SPMIP2: variants seen among roughly 807,000 people sequenced by gnomAD.
SPMIP2 encodes sperm microtubule inner protein 2.
the SPMIP2 span, among the ~76,000 whole-genome samples, chr4:158,963,191 A>G: frequency 6.6e-6 from 1 of 152,054 alleles, no homozygotes; most frequent in African/African-American, 2.4e-5. Context: ...TTAATACTAG[A>G]TCCCATTTGT....
At chr4:159,081,597 G>A in the SPMIP2 span, among the ~76,000 whole-genome samples, 1 of 151,874 alleles carries the variant, frequency 6.6e-6, no homozygotes, top group Non-Finnish European at 1.5e-5. Flanking sequence ...AGGCTGAGAT[G>A]AGATCACATG....
chr4:159,005,901 T>A, the SPMIP2 span, among the ~76,000 whole-genome samples: 1 of 152,024 alleles, frequency 6.6e-6, no homozygotes, highest in Non-Finnish European at 1.5e-5. Context: ...AGTAGCTGGG[T>A]CTATGGGTGT....
chr4:159,041,825 A>T, the SPMIP2 span, among the ~76,000 whole-genome samples: 1 of 152,218 alleles, frequency 6.6e-6, no homozygotes, highest in African/African-American at 2.4e-5. Flanking sequence ...CACTTTCCCC[A>T]AACTTTTCTT....
At chr4:158,917,419 G>A in the SPMIP2 span, among the ~76,000 whole-genome samples, 3 of 147,042 alleles carry the variant, frequency 2.0e-5, no homozygotes, top group African/African-American at 2.5e-5. Flanking sequence ...AGAGCAGGGG[G>A]AAAAAAAAAA....
chr4:159,005,839 A>C, the SPMIP2 span, among the ~76,000 whole-genome samples: 1 of 152,150 alleles, frequency 6.6e-6, no homozygotes, highest in South Asian at 2.1e-4. Flanking sequence ...ATCTCGGCTC[A>C]CTGTAACCTC....
chr4:158,962,397 C>CTA, the SPMIP2 span, among the ~76,000 whole-genome samples: 2 of 152,158 alleles, frequency 1.3e-5, no homozygotes, highest in Non-Finnish European at 2.9e-5. Flanking sequence ...TTTTCCATCT[C>CTA]TATAACTATG....
the SPMIP2 span, among the ~76,000 whole-genome samples, chr4:159,051,751 G>C: frequency 2.0e-5 from 3 of 152,312 alleles, no homozygotes; most frequent in African/African-American, 4.8e-5. Context: ...TAGTGAAACT[G>C]TCTGCAATGT....
At chr4:159,003,527 C>T in the SPMIP2 span, among the ~76,000 whole-genome samples, 3 of 152,186 alleles carry the variant, frequency 2.0e-5, no homozygotes, top group African/African-American at 7.2e-5. Context: ...CACCTTCCCT[C>T]ATGTCTGTAT....
chr4:159,033,056 C>T, the SPMIP2 span, among the ~76,000 whole-genome samples: 3 of 152,006 alleles, frequency 2.0e-5, no homozygotes, highest in Non-Finnish European at 2.9e-5. Flanking sequence ...AGATGTCTTT[C>T]GATAGGGGAA....
chr4:158,928,061 C>T, the SPMIP2 span, among the ~76,000 whole-genome samples: 9 of 152,218 alleles, frequency 5.9e-5, no homozygotes, highest in Admixed American at 1.3e-4. Flanking sequence ...CCAGTCCCAT[C>T]GACCACCCAA....
chr4:159,002,942 C>T, the SPMIP2 span, among the ~76,000 whole-genome samples: 3 of 152,248 alleles, frequency 2.0e-5, no homozygotes, highest in South Asian at 6.2e-4. Flanking sequence ...CTATCACTTC[C>T]ATATATTCAG....
At chr4:158,978,520 G>C in the SPMIP2 span, among the ~76,000 whole-genome samples, 3 of 152,094 alleles carry the variant, frequency 2.0e-5, no homozygotes, top group South Asian at 6.2e-4. Context: ...TGGGGTGTTA[G>C]ACTCTAACAC....
chr4:159,045,443 G>A, the SPMIP2 span, among the ~76,000 whole-genome samples: 6 of 152,148 alleles, frequency 3.9e-5, no homozygotes, highest in African/African-American at 1.4e-4. Context: ...GTTTCACTTA[G>A]GTTGAAACCT....
the SPMIP2 span, among the ~76,000 whole-genome samples, chr4:158,895,305 C>A: frequency 2.6e-5 from 4 of 152,156 alleles, no homozygotes; most frequent in East Asian, 5.8e-4. Context: ...GGGAAAAAAA[C>A]AAAAACCATA....
At chr4:158,908,825 T>A in the SPMIP2 span, among the ~76,000 whole-genome samples, 1 of 152,204 alleles carries the variant, frequency 6.6e-6, no homozygotes. Context: ...TAGCTGGGGT[T>A]ACAGGCATGC....
At chr4:158,940,212 G>A in the SPMIP2 span, among the ~76,000 whole-genome samples, 14 of 152,070 alleles carry the variant, frequency 9.2e-5, no homozygotes, top group African/African-American at 2.9e-4. Context: ...TTCTCCCTCT[G>A]TACTTGTCCA....
chr4:159,038,399 C>T, the SPMIP2 span, among the ~76,000 whole-genome samples: 1 of 152,144 alleles, frequency 6.6e-6, no homozygotes, highest in Admixed American at 6.5e-5. Flanking sequence ...TGTGATTGAA[C>T]ATGCTTTCAT....
chr4:158,959,662 A>G, the SPMIP2 span, among the ~76,000 whole-genome samples: 2 of 152,310 alleles, frequency 1.3e-5, no homozygotes, highest in East Asian at 3.9e-4. Flanking sequence ...ACAGTATTCA[A>G]TCTGGAGTCT....
chr4:159,045,972 G>C, the SPMIP2 span, among the ~76,000 whole-genome samples: 213 of 152,256 alleles, frequency 1.4e-3, no homozygotes, highest in Non-Finnish European at 2.2e-3. Flanking sequence ...AGCTGAGGCC[G>C]GGCACGGTGG....
Sources: allele counts gnomAD v4.1 joint callset (sites outside exome capture counted in the v4.1 genomes callset), GRCh38; gene constraint gnomAD v4.1.1; transcripts MANE v1.5; gene names NCBI Gene and HGNC (gene_info 2026-07-23, HGNC 2026-07-21).